SPRED1: variants seen among roughly 807,000 people sequenced by gnomAD.
SPRED1 encodes sprouty-related, EVH1 domain-containing protein 1.
In SPRED1, 18 loss-of-function variants were observed where a neutral mutation model predicts 52.3. That is an observed-to-expected ratio of 0.34 (90% CI 0.24 to 0.51). The LOEUF (loss-of-function observed/expected upper bound fraction) is 0.51. Among genes scored for constraint, SPRED1 ranks in the 20% least tolerant of loss-of-function variants. SPRED1 has a pLI of 0.97. For synonymous variants in SPRED1, 155 were observed against 179.7 expected (o/e 0.86, Z 1.10); for missense variants, 485 against 551.0 (o/e 0.88, Z 1.20).
Position 38,322,272 on chromosome 15 carries a change from T to G in SPRED1, c.239T>G (p.Leu80Arg). ...VVLECMLKKD[L>R]IYNKVTPTFH... ...TTGGAATGTATGCTTAAAAAAGACC[T>G]CATTTATAATAAGGTCACTCCAACA... The change falls in exon 3 of 7, where the codon CTC becomes CGC. Residue 80 changes from leucine (L) to arginine (R), a missense_variant. Transcript: ENST00000299084. 6.2e-7 allele frequency: 1 copy of G among 1,613,846 alleles called. No individual in the cohort carries two copies. The highest frequency in any genetic ancestry group is 1.3e-5 in the African/African-American group (1 of 75,018).
chr15:38,289,378 C>G (rs1306284497), intron 1 of SPRED1, among the ~76,000 whole-genome samples: 1 of 149,248 alleles, frequency 6.7e-6, no homozygotes, highest in Non-Finnish European at 1.5e-5. Context: ...TCTTTTCTTA[C>G]TGATTTTTGG....
chr15:38,258,187 G>T (rs1566846025), intron 1 of SPRED1, among the ~76,000 whole-genome samples: 1 of 152,150 alleles, frequency 6.6e-6, no homozygotes, highest in Non-Finnish European at 1.5e-5. Flanking sequence ...TATGATGTTG[G>T]TGATGAAACA....
chr15:38,320,021 A>G (rs1402732497), intron 2 of SPRED1, among the ~76,000 whole-genome samples: 1 of 152,238 alleles, frequency 6.6e-6, no homozygotes, highest in African/African-American at 2.4e-5. Context: ...CAGATATGAC[A>G]GACATAAACT....
intron 1 of SPRED1, among the ~76,000 whole-genome samples, chr15:38,288,588 A>G (rs148641294): frequency 6.6e-6 from 1 of 152,318 alleles, no homozygotes; most frequent in Non-Finnish European, 1.5e-5. Flanking sequence ...GGAATACCCA[A>G]CTAAAGGAAA....
At chr15:38,263,583 G>C (rs527773172) in intron 1 of SPRED1, among the ~76,000 whole-genome samples, 1 of 152,332 alleles carries the variant, frequency 6.6e-6, no homozygotes, top group Non-Finnish European at 1.5e-5. Context: ...AGGGAAAAAG[G>C]AGTATTGAGA....
chr15:38,280,027 T>C (rs1211998256), intron 1 of SPRED1, among the ~76,000 whole-genome samples: 1 of 152,216 alleles, frequency 6.6e-6, no homozygotes, highest in Non-Finnish European at 1.5e-5. Context: ...CAGTGGAAAC[T>C]TGGTCTTCAT....
intron 1 of SPRED1, among the ~76,000 whole-genome samples, chr15:38,293,496 G>T (rs1258667997): frequency 6.6e-6 from 1 of 152,128 alleles, no homozygotes; most frequent in African/African-American, 2.4e-5. Context: ...AGTTTTTAGA[G>T]TTGCCAGTGC....
At chr15:38,317,744 T>C (rs1402646938) in intron 2 of SPRED1, among the ~76,000 whole-genome samples, 1 of 151,652 alleles carries the variant, frequency 6.6e-6, no homozygotes, top group Non-Finnish European at 1.5e-5. Context: ...GAATGTAGAT[T>C]TAGTTCTCAT....
chr15:38,330,207 G>A (rs753298891), intron 4 of SPRED1, among the ~76,000 whole-genome samples: 3 of 151,458 alleles, frequency 2.0e-5, no homozygotes, highest in Non-Finnish European at 4.4e-5. Context: ...TGTTGAATAA[G>A]CCAGGTTAGA....
At chr15:38,281,559 ATTTTTTTTTTTT>A (rs542005244) in intron 1 of SPRED1, among the ~76,000 whole-genome samples, 1 of 100,742 alleles carries the variant, frequency 9.9e-6, no homozygotes, top group Non-Finnish European at 1.9e-5. Flanking sequence ...TGCCCATCTA[ATTTTTTTTTTTT>A]TTTTTTTTTT....
chr15:38,255,070 A>G (rs532901279), intron 1 of SPRED1, among the ~76,000 whole-genome samples: 1 of 152,356 alleles, frequency 6.6e-6, no homozygotes, highest in South Asian at 2.1e-4. Flanking sequence ...TGGAATGTGA[A>G]TTAACACAAG....
Position 38,351,553 on chromosome 15 carries a change from A to G in SPRED1, c.1224A>G (p.Val408=), listed in dbSNP as rs1888489718. The G allele has an allele frequency of 6.2e-7, 1 of 1,614,148 alleles. No individual in the cohort carries two copies. Among genetic ancestry groups the G allele is most frequent in the Admixed American group, 1.7e-5 (1 of 60,006 alleles). Residue 408 remains valine, a synonymous_variant, in exon 7 of 7, where the codon GTA becomes GTG. Transcript: ENST00000299084. ...TCTGCTTGCGATGGTTAGCCCTGGTAGCTTTGTCTTTCATTGTACCATGTA... is the reference window on the plus strand; with the variant it reads ...TCTGCTTGCGATGGTTAGCCCTGGTGGCTTTGTCTTTCATTGTACCATGTA... ...DKFCLRWLAL[V]ALSFIVPCMC...
chr15:38,285,962 A>T (rs552694144), intron 1 of SPRED1, among the ~76,000 whole-genome samples: 2 of 152,316 alleles, frequency 1.3e-5, no homozygotes, highest in East Asian at 3.9e-4. Context: ...TTTTCAGATC[A>T]GGCAGGTGTG....
intron 1 of SPRED1, among the ~76,000 whole-genome samples, chr15:38,297,380 A>T (rs1027774751): frequency 9.2e-5 from 14 of 152,214 alleles, no homozygotes; most frequent in Non-Finnish European, 1.9e-4. Context: ...GTCTGCTCCC[A>T]CTGCCTCTTA....
intron 2 of SPRED1, among the ~76,000 whole-genome samples, chr15:38,302,920 T>TTGGAAGGCCG (rs1895176709): frequency 6.6e-6 from 1 of 152,146 alleles, no homozygotes; most frequent in Non-Finnish European, 1.5e-5. Context: ...TCTCAGCACT[T>TTGGAAGGCCG]TGGAAGGCCG....
chr15:38,258,537 TAAAAG>T (rs1448508557), intron 1 of SPRED1, among the ~76,000 whole-genome samples: 1 of 152,178 alleles, frequency 6.6e-6, no homozygotes, highest in Admixed American at 6.5e-5. Context: ...AGAATGGAGT[TAAAAG>T]AGAGGAAAAT....
At chr15:38,303,175 A>G (rs982292421) in intron 2 of SPRED1, among the ~76,000 whole-genome samples, 21 of 147,718 alleles carry the variant, frequency 1.4e-4, no homozygotes, top group Non-Finnish European at 3.0e-4. Context: ...ACAGAGCGAG[A>G]CTCTGTCTCA....
At chr15:38,260,343 CTG>C (rs1221270570) in intron 1 of SPRED1, among the ~76,000 whole-genome samples, 1 of 152,156 alleles carries the variant, frequency 6.6e-6, no homozygotes, top group Non-Finnish European at 1.5e-5. Context: ...GGTGTTCTCC[CTG>C]TGTGTTTCTA....
intron 2 of SPRED1, among the ~76,000 whole-genome samples, chr15:38,301,651 C>T (rs536876112): frequency 5.9e-5 from 9 of 152,174 alleles, no homozygotes; most frequent in South Asian, 4.1e-4. Context: ...ACAAATGAGA[C>T]GGTGATATTG....
Sources: gnomAD v4.1 joint callset for allele counts (sites outside exome capture counted in the v4.1 genomes callset) on GRCh38, gnomAD v4.1.1 for gene constraint, MANE v1.5 for transcripts, NCBI Gene and HGNC (gene_info 2026-07-23, HGNC 2026-07-21) for gene names.